Variants in KIF15 observed in about 807,000 individuals in gnomAD.
KIF15 encodes kinesin-like protein KIF15.
A neutral mutation model predicts 190.6 loss-of-function variants in KIF15; 140 were observed. That is an observed-to-expected ratio of 0.73 (90% CI 0.64 to 0.84). The LOEUF is 0.84. KIF15 is among the 40% of genes least tolerant of loss of function. The pLI, the probability that KIF15 is intolerant of heterozygous loss-of-function variation, is 0.00. For missense variants in KIF15, 1,372 were observed against 1,584.4 expected (o/e 0.87, Z 2.28); for synonymous variants, 528 against 551.3 (o/e 0.96, Z 0.59).
At chr3:44,811,853 C>G (rs755270925) in intron 17 of KIF15, among the ~76,000 whole-genome samples, 4 of 152,236 alleles carry the variant, frequency 2.6e-5, no homozygotes, top group Non-Finnish European at 5.9e-5. Flanking sequence ...TGGAGGTAAC[C>G]GCTTGCAGCC....
chr3:44,809,605 G>A (rs2125653704), intron 16 of KIF15, among the ~76,000 whole-genome samples: 2 of 152,096 alleles, frequency 1.3e-5, no homozygotes, highest in South Asian at 4.2e-4. Context: ...AACACTTGGG[G>A]AGGCAGAAGC....
intron 6 of KIF15, chr3:44,863,278 A>G (rs1372444629): frequency 7.1e-6 from 1 of 140,852 alleles, no homozygotes; most frequent in East Asian, 2.2e-4. Flanking sequence ...CATTACAAGT[A>G]ATAAGTATAT....
intron 1 of KIF15, among the ~76,000 whole-genome samples, chr3:44,763,874 G>C (rs895403267): frequency 9.2e-5 from 14 of 151,962 alleles, no homozygotes; most frequent in African/African-American, 2.2e-4. Flanking sequence ...TTTTAGTAGA[G>C]ACAGGGTTTC....
intron 1 of KIF15, among the ~76,000 whole-genome samples, chr3:44,766,934 C>A (rs1705412197): frequency 6.6e-6 from 1 of 151,446 alleles, no homozygotes; most frequent in South Asian, 2.1e-4. Context: ...CCTCAGCCTC[C>A]TGGGTAGCTG....
chr3:44,822,372 C>T lies in KIF15; in HGVS notation c.2550-3667C>T, dbSNP rs540519334. Among the ~76,000 whole-genome samples the T allele has an allele frequency of 3.9e-5, 6 of 152,274 alleles. No homozygotes were observed. The East Asian group carries it at 5.8e-4, about 15-fold the overall frequency. On this transcript the variant is annotated intron_variant, in intron 20 of 34. Coordinates refer to ENST00000326047, the MANE Select transcript of KIF15 (RefSeq NM_020242.3). ...CTTGTAGAGTTTCTGCTGAGAGATCCGCTGTTAGTCTGATGGGCTTCCCTT... is the reference window on the plus strand; with the variant it reads ...CTTGTAGAGTTTCTGCTGAGAGATCTGCTGTTAGTCTGATGGGCTTCCCTT...
intron 19 of KIF15, 55 bp downstream of exon 19, chr3:44,813,235 CT>C: frequency 1.0e-6 from 1 of 965,006 alleles, no homozygotes; most frequent in Non-Finnish European, 1.6e-6. Context: ...AACTCAATAT[CT>C]TTTTACTTTT....
At chr3:44,803,632 G>A (rs370869869) in intron 14 of KIF15, among the ~76,000 whole-genome samples, 1 of 152,200 alleles carries the variant, frequency 6.6e-6, no homozygotes, top group Non-Finnish European at 1.5e-5. Flanking sequence ...ATATTTTCAC[G>A]GTCTTTTATC....
At chr3:44,810,746 A>G in intron 16 of KIF15, 100 bp from the exon 17 acceptor site, 1 of 969,812 alleles carries the variant, frequency 1.0e-6, no homozygotes, top group Non-Finnish European at 1.5e-6. Flanking sequence ...CTTTCTTTTC[A>G]TGAATAGTAT....
At chr3:44,850,303 C>T (rs919692738) in intron 32 of KIF15, among the ~76,000 whole-genome samples, 1 of 152,066 alleles carries the variant, frequency 6.6e-6, no homozygotes, top group Non-Finnish European at 1.5e-5. Context: ...ATTCAGAGTC[C>T]GGCTCCTAGC....
chr3:44,865,145 C>A lies in KIF15; in HGVS notation c.*60-8184C>A, dbSNP rs747551522. ...CACCCTAATCCACAGGAAGCTCCCACCCACCTGGAAGCCCCTTCCACACAA... is the reference window on the plus strand; with the variant it reads ...CACCCTAATCCACAGGAAGCTCCCAACCACCTGGAAGCCCCTTCCACACAA... On this transcript the variant is annotated intron_variant and NMD_transcript_variant, in intron 6 of 6. Coordinates refer to the KIF15 transcript ENST00000422209. The A allele has an allele frequency of 1.4e-5, 23 of 1,614,056 alleles. No homozygotes were observed. Among genetic ancestry groups the A allele is most frequent in the South Asian group, 2.2e-5 (2 of 91,090 alleles).
In KIF15 at chr3:44,797,833, G is replaced by C; in HGVS notation, c.976-1G>C. 6.2e-7 allele frequency: 1 copy of C among 1,611,910 alleles called. No individual in the cohort carries two copies. The highest frequency in any genetic ancestry group is 8.5e-7 in the Non-Finnish European group (1 of 1,179,462). On this transcript the variant is annotated splice_acceptor_variant, in intron 9 of 34. Transcript: ENST00000326047. LOFTEE classifies it high-confidence loss of function. ...ATATGTTCATTCCTATCATTAAACA[G>C]GATTCCCTTGGAGGTAATGCCAAAA...
chr3:44,770,490 C>T (rs1827934), intron 1 of KIF15, among the ~76,000 whole-genome samples: 151,634 of 152,238 alleles, frequency 1, 75,516 homozygotes, highest in Middle Eastern at 1. Context: ...AGTGACACTT[C>T]TTACTCACCG....
chr3:44,821,906 G>A (rs1039182861), intron 20 of KIF15, among the ~76,000 whole-genome samples: 10 of 152,232 alleles, frequency 6.6e-5, no homozygotes, highest in South Asian at 2.1e-4. Context: ...CGGATCACTC[G>A]CGGTTAGGAG....
At chr3:44,789,387 C>A (rs1295850757) in intron 7 of KIF15, among the ~76,000 whole-genome samples, 3 of 151,828 alleles carry the variant, frequency 2.0e-5, no homozygotes, top group Admixed American at 6.6e-5. Flanking sequence ...CATTGATTCT[C>A]AATTGCATTG....
chr3:44,843,529 A>C (rs1698709740), intron 30 of KIF15, among the ~76,000 whole-genome samples: 1 of 152,250 alleles, frequency 6.6e-6, no homozygotes, highest in African/African-American at 2.4e-5. Context: ...AGGTATATAT[A>C]ATATCGACAA....
chr3:44,847,972 T>G lies in KIF15; in HGVS notation c.3696-13T>G, dbSNP rs761405182. The G allele has an allele frequency of 6.3e-6, 10 of 1,587,294 alleles. 1 individual carries two copies. The East Asian group carries it at 2.2e-4, about 36-fold the overall frequency. Reference sequence around the variant, plus strand: ...TTTCCTATGCCTCCTCCCACCCCTGTTAATCTATGCAGTGATCAGAATCAT... The same window carrying G: ...TTTCCTATGCCTCCTCCCACCCCTGGTAATCTATGCAGTGATCAGAATCAT... On this transcript the variant is annotated splice_polypyrimidine_tract_variant and intron_variant, in intron 30 of 34. Transcript: ENST00000326047.
intron 25 of KIF15, 151 bp downstream of exon 25, chr3:44,830,226 T>C (rs1697999054): frequency 2.2e-6 from 1 of 447,252 alleles, no homozygotes; most frequent in East Asian, 3.9e-5. Flanking sequence ...GGTTTGTGTG[T>C]TTGTAGGACT....
In KIF15 at chr3:44,838,430, C is replaced by T; in HGVS notation, c.3318+9C>T. On this transcript the variant is annotated intron_variant, in intron 27 of 34. Transcript: ENST00000326047. Reference sequence around the variant, plus strand: ...AGGAACTTCAGCACAAGGTGAGAAACACACAGGTGTCACTCAAGATGGGAG... The same window carrying T: ...AGGAACTTCAGCACAAGGTGAGAAATACACAGGTGTCACTCAAGATGGGAG... The T allele has an allele frequency of 6.2e-7, 1 of 1,609,582 alleles. No homozygotes were observed.
chr3:44,829,549 T>TATAATACGC lies in KIF15; in HGVS notation c.2944-422_2944-421insATAATACGC, dbSNP rs1559574792. On this transcript the variant is annotated intron_variant, in intron 24 of 34. Coordinates refer to ENST00000326047, the MANE Select transcript of KIF15 (RefSeq NM_020242.3). ...GTATATAATATGTATATATTATATA[T>TATAATACGC]GTATATATTATATATGTATATATTA... is the stretch of plus-strand genomic sequence containing the variant. Among the ~76,000 whole-genome samples the TATAATACGC allele has an allele frequency of 4.1e-4, 48 of 118,478 alleles. 1 individual carries two copies. Among genetic ancestry groups the TATAATACGC allele is most frequent in the African/African-American group, 1.6e-3 (44 of 27,156 alleles). 77.7% of individuals were successfully genotyped at this position (118,478 alleles called of 152,430 possible).
Sources: allele counts gnomAD v4.1 joint callset (sites outside exome capture counted in the v4.1 genomes callset), GRCh38; gene constraint gnomAD v4.1.1; transcripts MANE v1.5; gene names NCBI Gene and HGNC (gene_info 2026-07-23, HGNC 2026-07-21).